The following MACROD2 variants were observed in gnomAD, a reference collection of about 807,000 sequenced individuals.
MACROD2 encodes mono-ADP ribosylhydrolase 2.
Under a neutral mutation model 70.4 loss-of-function variants are expected in MACROD2, and 36 were observed. That is an observed-to-expected ratio of 0.51 (90% CI 0.39 to 0.68). The LOEUF (loss-of-function observed/expected upper bound fraction) is 0.68. MACROD2 is among the 30% of genes least tolerant of loss of function. The probability of loss-of-function intolerance (pLI) is 0.00; values close to 1 mark genes in which losing one functional copy is unlikely to be tolerated. For missense variants in MACROD2, 496 were observed against 538.4 expected (o/e 0.92, Z 0.78); for synonymous variants, 172 against 178.8 (o/e 0.96, Z 0.30).
intron 8 of MACROD2, among the ~76,000 whole-genome samples, chr20:15,679,551 C>G (rs759107787): frequency 1.1e-4 from 16 of 152,156 alleles, no homozygotes; most frequent in Non-Finnish European, 1.9e-4. Context: ...AGAAGTGATG[C>G]TGTGCAGGTT....
At chr20:15,957,335 T>G (rs777366318) in intron 12 of MACROD2, among the ~76,000 whole-genome samples, 1 of 152,220 alleles carries the variant, frequency 6.6e-6, no homozygotes, top group South Asian at 2.1e-4. Flanking sequence ...AAATTATGAA[T>G]GCAACTTTTG....
intron 5 of MACROD2, among the ~76,000 whole-genome samples, chr20:14,751,732 C>A (rs1166628088): frequency 6.6e-6 from 1 of 152,102 alleles, no homozygotes; most frequent in Non-Finnish European, 1.5e-5. Flanking sequence ...TGCTCAGATC[C>A]TACATGCCAT....
intron 6 of MACROD2, among the ~76,000 whole-genome samples, chr20:15,357,677 A>C (rs761183517): frequency 6.6e-6 from 1 of 152,200 alleles, no homozygotes; most frequent in Non-Finnish European, 1.5e-5. Context: ...TGTAATACAT[A>C]CAACACTTGG....
At chr20:14,190,458 G>T (rs1171248989) in intron 3 of MACROD2, among the ~76,000 whole-genome samples, 12 of 151,282 alleles carry the variant, frequency 7.9e-5, no homozygotes, top group Non-Finnish European at 1.5e-5. Flanking sequence ...GCTAACATGG[G>T]ATAACATGTG....
At chr20:14,845,347 C>T (rs2073129025) in intron 5 of MACROD2, among the ~76,000 whole-genome samples, 1 of 151,968 alleles carries the variant, frequency 6.6e-6, no homozygotes, top group Non-Finnish European at 1.5e-5. Context: ...AAATGTTTCA[C>T]AATGATATGT....
At chr20:14,366,052 C>T (rs1389632138) in intron 3 of MACROD2, among the ~76,000 whole-genome samples, 1 of 152,102 alleles carries the variant, frequency 6.6e-6, no homozygotes, top group Non-Finnish European at 1.5e-5. Flanking sequence ...TCCATGTGCA[C>T]TTGAGAGGAA....
intron 5 of MACROD2, among the ~76,000 whole-genome samples, chr20:15,197,235 A>G (rs1213908839): frequency 6.6e-6 from 1 of 152,200 alleles, no homozygotes. Context: ...AATGTTCATC[A>G]TAAAAATGAC....
chr20:15,739,556 A>G (rs978961799), intron 8 of MACROD2, among the ~76,000 whole-genome samples: 1 of 152,224 alleles, frequency 6.6e-6, no homozygotes, highest in Non-Finnish European at 1.5e-5. Context: ...GAAGTATTAG[A>G]TAAGTTAGGA....
At chr20:14,323,264 T>C (rs370096784) in intron 3 of MACROD2, 16 of 152,282 alleles carry the variant, frequency 1.1e-4, no homozygotes, top group African/African-American at 3.8e-4. Context: ...CCTTTTTGTG[T>C]TCTATTAATT....
chr20:14,982,637 G>C (rs939090197), intron 5 of MACROD2, among the ~76,000 whole-genome samples: 1 of 152,242 alleles, frequency 6.6e-6, no homozygotes, highest in African/African-American at 2.4e-5. Flanking sequence ...TCAAGCCTTG[G>C]CAGCTTCCAC....
chr20:14,186,420 A>T (rs913380677), intron 3 of MACROD2, among the ~76,000 whole-genome samples: 1 of 152,194 alleles, frequency 6.6e-6, no homozygotes, highest in Non-Finnish European at 1.5e-5. Context: ...ATCTCACACC[A>T]GTCAGAATGG....
chr20:14,494,979 A>T (rs2123109037), intron 4 of MACROD2, among the ~76,000 whole-genome samples: 1 of 152,264 alleles, frequency 6.6e-6, no homozygotes, highest in East Asian at 1.9e-4. Context: ...AATAGCATAG[A>T]GGAAAGTTAA....
chr20:14,939,266 T>C (rs1313666202), intron 5 of MACROD2, among the ~76,000 whole-genome samples: 7 of 152,112 alleles, frequency 4.6e-5, no homozygotes, highest in Admixed American at 4.6e-4. Context: ...ATTTGATTTT[T>C]ATATATGGTG....
chr20:15,886,162 A>G (rs1601059272), intron 10 of MACROD2, among the ~76,000 whole-genome samples: 1 of 152,282 alleles, frequency 6.6e-6, no homozygotes, highest in Admixed American at 6.5e-5. Context: ...CCTGTTCACA[A>G]GGTTTGGAGC....
At chr20:15,451,352 T>G (rs1201477122) in intron 7 of MACROD2, among the ~76,000 whole-genome samples, 2 of 148,524 alleles carry the variant, frequency 1.3e-5, no homozygotes, top group Non-Finnish European at 3.0e-5. Context: ...TCAGAGCAAC[T>G]TTCCTGCCTA....
At position 14,056,192 on chromosome 20, in the gene MACROD2, A is replaced by G. The variant is rs140785849; in HGVS notation, c.164-29429A>G. Among the ~76,000 whole-genome samples, 33 of 152,210 alleles carry G rather than the reference A, an allele frequency of 2.2e-4. No individual in the cohort carries two copies. The East Asian group carries it at 6.4e-3, about 29-fold the overall frequency. On this transcript the variant is annotated intron_variant, in intron 2 of 17. Transcript: ENST00000684519. ...TGTCTGTTTTGTTCAGTTTAAAAAAATTATTAGCAAACACTTATGTATAGA... is the reference window on the plus strand; with the variant it reads ...TGTCTGTTTTGTTCAGTTTAAAAAAGTTATTAGCAAACACTTATGTATAGA...
At chr20:15,955,429 T>C (rs1046809317) in intron 12 of MACROD2, among the ~76,000 whole-genome samples, 27 of 152,178 alleles carry the variant, frequency 1.8e-4, no homozygotes, top group African/African-American at 6.5e-4. Flanking sequence ...CATCCTCCAA[T>C]TCCTTCTCAG....
At chr20:15,272,186 G>A (rs1191111716) in intron 6 of MACROD2, among the ~76,000 whole-genome samples, 2 of 152,198 alleles carry the variant, frequency 1.3e-5, no homozygotes, top group Non-Finnish European at 1.5e-5. Context: ...TGAAAATTGT[G>A]TACAGATGCA....
chr20:15,594,200 A>G (rs987513415), intron 8 of MACROD2, among the ~76,000 whole-genome samples: 1 of 152,108 alleles, frequency 6.6e-6, no homozygotes, highest in African/African-American at 2.4e-5. Context: ...TGGTTGCACT[A>G]AATCTCATCC....
Sources: gnomAD v4.1 joint callset for allele counts (sites outside exome capture counted in the v4.1 genomes callset) on GRCh38, gnomAD v4.1.1 for gene constraint, MANE v1.5 for transcripts, NCBI Gene and HGNC (gene_info 2026-07-23, HGNC 2026-07-21) for gene names.